PLIN5: variants seen among roughly 807,000 people sequenced by gnomAD.
The protein encoded by PLIN5 is perilipin-5.
Under a neutral mutation model 32.8 loss-of-function variants are expected in PLIN5, and 34 were observed. The ratio of observed to expected loss-of-function variants is 1.04; its 90% CI spans 0.79 to 1.38. PLIN5 has a LOEUF of 1.38. Ranked by LOEUF, PLIN5 falls within the 40% of genes most tolerant of loss-of-function variation. The probability of loss-of-function intolerance (pLI) is 0.00; values close to 1 mark genes in which losing one functional copy is unlikely to be tolerated. For synonymous variants in PLIN5, 309 were observed against 292.9 expected (o/e 1.05, Z -0.56); for missense variants, 712 against 660.5 (o/e 1.08, Z -0.85).
rs141886356 is a variant in PLIN5, at chr19:4,526,857, C to CAAAAAAAAAAAAAAAAA, written c.521-1026_521-1025insTTTTTTTTTTTTTTTTT. ...TGGGCAACAGAGCAAGACTCCATCT[C>CAAAAAAAAAAAAAAAAA]AAAAAAAAATTAAAATTAAAAAAAT... On this transcript the variant is annotated intron_variant, in intron 5 of 7. Transcript: ENST00000381848. 3.0e-4 allele frequency among the ~76,000 whole-genome samples: 41 copies of CAAAAAAAAAAAAAAAAA among 138,820 alleles called. 2 individuals carry two copies. The highest frequency in any genetic ancestry group is 1.2e-3 in the African/African-American group (41 of 34,754). 91.1% of individuals were successfully genotyped at this position (138,820 alleles called of 152,430 possible).
rs761350946 is a variant in PLIN5 at position 4,529,124 on chromosome 19, T to C, written c.469A>G (p.Lys157Glu). 4.1e-5 allele frequency: 66 copies of C among 1,613,336 alleles called. No individual in the cohort carries two copies. Among genetic ancestry groups the C allele is most frequent in the Non-Finnish European group, 5.5e-5 (65 of 1,179,990 alleles). ...VSHAVDVVLE[K>E]SEELVDHFLP... ...AAGTGATCCACCAGCTCCTCTGATT[T>C]TTCCAGTACAACATCCACAGCATGG... The change falls in exon 5 of 8, where the codon AAA becomes GAA. Residue 157 changes from lysine (K) to glutamate (E), a missense_variant. Physicochemically the swap from Lys to Glu is moderately conservative, Grantham distance 56. Coordinates refer to ENST00000381848, the MANE Select transcript of PLIN5 (RefSeq NM_001013706.3).
rs114912473 is a variant in PLIN5, at chr19:4,533,738, G to A, written c.60+277C>T. 384 of 537,778 alleles carry A rather than the reference G, an allele frequency of 7.1e-4. 1 individual carries two copies. The highest frequency in any genetic ancestry group is 6.7e-3 in the African/African-American group (355 of 52,890). 33.3% of individuals were successfully genotyped at this position (537,778 alleles called of 1,614,324 possible). A position where few individuals can be genotyped will look rare whatever the true frequency, so the allele number is the denominator to read the frequency against. On this transcript the variant is annotated intron_variant, in intron 2 of 7. Transcript: ENST00000381848. Reference sequence around the variant, plus strand: ...ATGATGGTGGACGTGGAGACAGAAGGATACAGGTGGAGACCCAGGGATCAA... The same window carrying A: ...ATGATGGTGGACGTGGAGACAGAAGAATACAGGTGGAGACCCAGGGATCAA...
chr19:4,531,854 G>C, intron 2 of PLIN5, 32 bp from the exon 3 acceptor site: 1 of 1,483,000 alleles, frequency 6.7e-7, no homozygotes, highest in Non-Finnish European at 9.0e-7. Context: ...GGGGGACCCT[G>C]GGGGAAGTGG....
chr19:4,530,587 G>A (rs1976871664), intron 3 of PLIN5, among the ~76,000 whole-genome samples: 1 of 152,174 alleles, frequency 6.6e-6, no homozygotes, highest in African/African-American at 2.4e-5. Context: ...GGCCAACAAA[G>A]GAGGGGACAC....
At chr19:4,524,761 C>T (rs1386505793) in intron 7 of PLIN5, among the ~76,000 whole-genome samples, 1 of 151,492 alleles carries the variant, frequency 6.6e-6, no homozygotes, top group Non-Finnish European at 1.5e-5. Flanking sequence ...AAAATAAATA[C>T]ATAAATAAAA....
intron 5 of PLIN5, among the ~76,000 whole-genome samples, chr19:4,528,141 C>T (rs974972411): frequency 6.6e-6 from 1 of 151,882 alleles, no homozygotes; most frequent in Non-Finnish European, 1.5e-5. Flanking sequence ...GATCTCCTGA[C>T]CTCGTGATCG....
At position 4,523,785 on chromosome 19, in the gene PLIN5, C is replaced by T. The variant is rs755293803; in HGVS notation, c.1135G>A (p.Ala379Thr). ...VPLPWLVGPFAPILVERPEPL... is the reference protein window; with the variant it reads ...VPLPWLVGPFTPILVERPEPL... ...TCGGGTCGCTCCACAAGGATGGGCGCGAAGGGTCCCACCAGCCAGGGCAGC... is the reference window on the plus strand; with the variant it reads ...TCGGGTCGCTCCACAAGGATGGGCGTGAAGGGTCCCACCAGCCAGGGCAGC... The change falls in exon 8 of 8, where the codon GCG (alanine) becomes ACG (threonine). Residue 379 changes from alanine to threonine, a missense_variant. Transcript: ENST00000381848. The surrounding 1 kb of genome is among the most constrained non-coding windows in gnomAD (Gnocchi z 5.0). 18 of 1,597,528 alleles carry T rather than the reference C, an allele frequency of 1.1e-5. No individual in the cohort carries two copies. Among genetic ancestry groups the T allele is most frequent in the South Asian group, 6.6e-5 (6 of 90,860 alleles).
At chr19:4,531,510 G>A (rs975902966) in intron 3 of PLIN5, 117 bp downstream of exon 3, 6 of 1,057,950 alleles carry the variant, frequency 5.7e-6, no homozygotes, top group Non-Finnish European at 7.8e-6. Context: ...TGGGACAGGT[G>A]GCTAGGCTGA....
intron 5 of PLIN5, among the ~76,000 whole-genome samples, chr19:4,526,914 A>G (rs1288302723): frequency 6.6e-6 from 1 of 151,646 alleles, no homozygotes; most frequent in African/African-American, 2.4e-5. Flanking sequence ...GAGAAAATCC[A>G]CACAAGATAT....
chr19:4,529,614 C>CATATATGT (rs1976857576), intron 4 of PLIN5, 170 bp downstream of exon 4: 4 of 168,302 alleles, frequency 2.4e-5, no homozygotes, highest in African/African-American at 2.3e-4. Flanking sequence ...TATGTATACA[C>CATATATGT]ACACACACAC....
chr19:4,529,000 C>T, intron 5 of PLIN5, 73 bp downstream of exon 5: 1 of 1,483,548 alleles, frequency 6.7e-7, no homozygotes, highest in South Asian at 1.3e-5. Flanking sequence ...AGTCTCAGAC[C>T]TCTCTGATCT....
In PLIN5 at chr19:4,529,215, G is replaced by GA. The variant is rs1976847093; in HGVS notation, c.377dup (p.Thr127HisfsTer53). 6.2e-7 allele frequency: 1 copy of GA among 1,611,536 alleles called. No homozygotes were observed. Among genetic ancestry groups the GA allele is most frequent in the African/African-American group, 1.3e-5 (1 of 74,824 alleles). ...TCCGGGCCAGGTCCACCACACCCGT[G>GA]ACACTGCTGGCCACCACGTCCTTGG... On this transcript the variant is annotated frameshift_variant, in exon 5 of 8. Transcript: ENST00000381848. LOFTEE classifies it high-confidence loss of function.
chr19:4,527,406 G>T (rs970631404), intron 5 of PLIN5, among the ~76,000 whole-genome samples: 1 of 151,772 alleles, frequency 6.6e-6, no homozygotes, highest in African/African-American at 2.4e-5. Flanking sequence ...AGATGTGGTG[G>T]TGTGCACCTC....
At chr19:4,526,886 T>C (rs1461164294) in intron 5 of PLIN5, among the ~76,000 whole-genome samples, 1 of 148,176 alleles carries the variant, frequency 6.7e-6, no homozygotes, top group Non-Finnish European at 1.5e-5. Flanking sequence ...AAAAAATGAA[T>C]GAAAAATAAT....
chr19:4,534,554 A>G (rs965437821), intron 1 of PLIN5, among the ~76,000 whole-genome samples: 1 of 152,102 alleles, frequency 6.6e-6, no homozygotes, highest in Non-Finnish European at 1.5e-5. Flanking sequence ...TATTTTTAGT[A>G]GAAACCGGGT....
chr19:4,526,675 C>T (rs755711357), intron 5 of PLIN5, among the ~76,000 whole-genome samples: 1 of 151,330 alleles, frequency 6.6e-6, no homozygotes, highest in African/African-American at 2.4e-5. Context: ...CAGCAAAAAA[C>T]CCTGTCTCTA....
chr19:4,526,826 C>T (rs1568244037), intron 5 of PLIN5, among the ~76,000 whole-genome samples: 2 of 147,596 alleles, frequency 1.4e-5, no homozygotes, highest in South Asian at 4.2e-4. Flanking sequence ...CCACTGCCCT[C>T]TAGCCTGGGC....
At chr19:4,529,582 A>G (rs1174031277) in intron 4 of PLIN5, 2 of 523,214 alleles carry the variant, frequency 3.8e-6, no homozygotes, top group Admixed American at 6.5e-5. Context: ...ATATACATAT[A>G]TACACTATAC....
intron 3 of PLIN5, 49 bp downstream of exon 3, chr19:4,531,577 TG>T (rs778909155): frequency 1.2e-4 from 158 of 1,339,244 alleles, no homozygotes; most frequent in South Asian, 2.8e-4. Flanking sequence ...CAGGGGGCGG[TG>T]GGGGGGTGGC....
Sources: allele counts gnomAD v4.1 joint callset (sites outside exome capture counted in the v4.1 genomes callset), GRCh38; gene constraint gnomAD v4.1.1; non-coding constraint Gnocchi (gnomAD v3.1); transcripts MANE v1.5; gene names NCBI Gene and HGNC (gene_info 2026-07-23, HGNC 2026-07-21).